The following CFAP99 variants were observed in gnomAD, a reference collection of about 807,000 sequenced individuals.
CFAP99 encodes the protein cilia- and flagella-associated protein 99.
Under a neutral mutation model 82.7 loss-of-function variants are expected in CFAP99, and 84 were observed. The ratio of observed to expected loss-of-function variants is 1.02; its 90% CI spans 0.85 to 1.22. The LOEUF is 1.22. Ranked by LOEUF, CFAP99 falls within the 50% of genes most tolerant of loss-of-function variation. The pLI is 0.00. For synonymous variants in CFAP99, 456 were observed against 429.5 expected (o/e 1.06, Z -0.76); for missense variants, 1,059 against 983.5 (o/e 1.08, Z -1.03).
chr4:2,462,962 C>A (rs1013831858), downstream of CFAP99: 2 of 1,138,312 alleles, frequency 1.8e-6, no homozygotes, highest in South Asian at 3.2e-5. This position sits in a 1 kb window ranked among gnomAD's most constrained non-coding sequence, Gnocchi z 4.1. Flanking sequence ...TTGCGGGCCA[C>A]CCCCTACACC....
rs770946550 is a variant in CFAP99 at position 2,451,061 on chromosome 4, C to T, written c.867+43C>T. The T allele has an allele frequency of 6.6e-6, 10 of 1,509,866 alleles. No individual in the cohort carries two copies. The African/African-American group carries it at 1.3e-4, about 20-fold the overall frequency. The allele number at this position is 1,509,866 out of a possible 1,614,324, so 93.5% of individuals were successfully genotyped here. A position where few individuals can be genotyped will look rare whatever the true frequency, so the allele number is the denominator to read the frequency against. On this transcript the variant is annotated intron_variant, in intron 9 of 14. Coordinates refer to ENST00000635017, the Ensembl canonical transcript of CFAP99. ...ATGGTCAGGCTGCTCTCCCTGGGCACCCACCCCTCCAGACCTTTTCTGCCC... is the reference window on the plus strand; with the variant it reads ...ATGGTCAGGCTGCTCTCCCTGGGCATCCACCCCTCCAGACCTTTTCTGCCC...
At chr4:2,449,242 C>T (rs1241279384) in intron 6 of CFAP99, among the ~76,000 whole-genome samples, 4 of 152,038 alleles carry the variant, frequency 2.6e-5, no homozygotes, top group African/African-American at 7.3e-5. Flanking sequence ...TGTCCCCTCC[C>T]GACAGCTTAC....
Position 2,462,504 on chromosome 4 carries a change from C to T in CFAP99, c.1723C>T (p.Gln575Ter). 2.7e-6 allele frequency: 4 copies of T among 1,478,160 alleles called. No individual in the cohort carries two copies. Among genetic ancestry groups the T allele is most frequent in the Non-Finnish European group, 3.6e-6 (4 of 1,123,216 alleles). 91.6% of individuals were successfully genotyped at this position (1,478,160 alleles called of 1,614,324 possible). Reference sequence around the variant, plus strand: ...GGCGCCCTCGCAGGACGAGCGCGTGCAGCAGCTGCGGCGCAGGATCTCGGA... The same window carrying T: ...GGCGCCCTCGCAGGACGAGCGCGTGTAGCAGCTGCGGCGCAGGATCTCGGA... The change falls in exon 15 of 15, where the codon CAG (glutamine) becomes TAG (stop). Residue 575 changes from glutamine (Q) to a stop codon, truncating the protein, a stop_gained. Transcript: ENST00000635017. LOFTEE classifies it low-confidence loss of function (END_TRUNC). The surrounding 1 kb of genome is among the most constrained non-coding windows in gnomAD (Gnocchi z 4.1).
At chr4:2,459,606 G>C (rs992692089) in intron 13 of CFAP99, among the ~76,000 whole-genome samples, 3 of 152,210 alleles carry the variant, frequency 2.0e-5, no homozygotes, top group Non-Finnish European at 4.4e-5. Context: ...AGGCTGGATG[G>C]AGGCTGCATG....
chr4:2,460,193 G>A, exon 14 of CFAP99: 1 of 1,536,092 alleles, frequency 6.5e-7, no homozygotes, highest in Non-Finnish European at 8.7e-7. Flanking sequence ...GAACATGGTG[G>A]AGCAGATCTC....
At chr4:2,435,881 G>A (rs1304545299) in intron 2 of CFAP99, among the ~76,000 whole-genome samples, 3 of 151,520 alleles carry the variant, frequency 2.0e-5, no homozygotes, top group African/African-American at 4.8e-5. Flanking sequence ...TCAGGAGGCC[G>A]AGGTGGGGAG....
chr4:2,451,080 T>G (rs1001959903), intron 9 of CFAP99, 62 bp downstream of exon 9: 18 of 1,504,692 alleles, frequency 1.2e-5, no homozygotes, highest in South Asian at 3.6e-5. Context: ...CCAGACCTTT[T>G]CTGCCCGTAG....
chr4:2,424,330 G>A (rs1401569361), intron 1 of CFAP99, among the ~76,000 whole-genome samples: 1 of 152,236 alleles, frequency 6.6e-6, no homozygotes, highest in Non-Finnish European at 1.5e-5. Flanking sequence ...GTGGGTGCCT[G>A]TAATCCCAGC....
chr4:2,457,613 G>A (rs1734467022), intron 11 of CFAP99, among the ~76,000 whole-genome samples: 1 of 152,218 alleles, frequency 6.6e-6, no homozygotes, highest in African/African-American at 2.4e-5. Context: ...AGGCCCTCAG[G>A]CTGATCTCTC....
chr4:2,459,946 G>T (rs1578484969), intron 13 of CFAP99, 91 bp from the exon 14 acceptor site: 2 of 1,163,516 alleles, frequency 1.7e-6, no homozygotes, highest in Admixed American at 2.0e-5. Context: ...GTGGGCAAGG[G>T]GTGGGCCTAT....
At chr4:2,427,081 C>T (rs912973822) in intron 2 of CFAP99, 10 of 168,556 alleles carry the variant, frequency 5.9e-5, no homozygotes, top group African/African-American at 2.4e-4. Flanking sequence ...CCCGGGGAGC[C>T]GAGGGCTGCA....
intron 11 of CFAP99, among the ~76,000 whole-genome samples, chr4:2,453,335 C>T (rs974924568): frequency 6.6e-6 from 1 of 152,190 alleles, no homozygotes; most frequent in Admixed American, 6.5e-5. Context: ...CTTTGCAGAG[C>T]TGGATTTTCA....
intron 12 of CFAP99, 50 bp from the exon 13 acceptor site, chr4:2,459,057 C>T (rs1452056457): frequency 6.8e-7 from 1 of 1,473,130 alleles, no homozygotes; most frequent in Admixed American, 2.3e-5. Context: ...CCTGTCCAGC[C>T]CCTGCCCTGC....
chr4:2,460,811 G>A (rs754550929), intron 14 of CFAP99, among the ~76,000 whole-genome samples: 2 of 152,134 alleles, frequency 1.3e-5, no homozygotes, highest in Admixed American at 6.5e-5. Context: ...GTGCAGTGGC[G>A]CAATCTCAGC....
At chr4:2,443,816 G>C (rs934870378) in intron 5 of CFAP99, among the ~76,000 whole-genome samples, 1 of 152,162 alleles carries the variant, frequency 6.6e-6, no homozygotes, top group South Asian at 2.1e-4. Context: ...GGCAAACTCC[G>C]GGGCAGGCCA....
Position 2,462,774 on chromosome 4 carries a change from G to T in CFAP99, c.1993G>T (p.Val665Phe). The T allele has an allele frequency of 7.9e-7, 1 of 1,264,034 alleles. No individual in the cohort carries two copies. The allele number at this position is 1,264,034 out of a possible 1,614,324, so 78.3% of individuals were successfully genotyped here. A position where few individuals can be genotyped will look rare whatever the true frequency, so the allele number is the denominator to read the frequency against. ...GGCGGGCGCGGGAGGCGGTGGGGGC[G>T]TCCCTGCCCGCGCCGACGCGTTCCC... Residue 665 changes from valine to phenylalanine, a missense_variant, in exon 15 of 15, where the codon GTC (valine) becomes TTC (phenylalanine). Physicochemically the swap from Val to Phe is conservative, Grantham distance 50. Coordinates refer to ENST00000635017, the Ensembl canonical transcript of CFAP99. The surrounding 1 kb of genome is among the most constrained non-coding windows in gnomAD (Gnocchi z 4.1).
At chr4:2,421,850 T>C (rs952738961) in intron 1 of CFAP99, among the ~76,000 whole-genome samples, 1 of 146,934 alleles carries the variant, frequency 6.8e-6, no homozygotes, top group Non-Finnish European at 1.5e-5. Context: ...AAGACCAGCC[T>C]GGGCAACATA....
Position 2,462,510 on chromosome 4 carries a change from C to G in CFAP99, c.1729C>G (p.Leu577Val), listed in dbSNP as rs1734645460. ...CTCGCAGGACGAGCGCGTGCAGCAG[C>G]TGCGGCGCAGGATCTCGGAGAGGGC... is the stretch of plus-strand genomic sequence containing the variant. Residue 577 changes from leucine to valine, a missense_variant, in exon 15 of 15, where the codon CTG (leucine) becomes GTG (valine). Transcript: ENST00000635017. This position sits in a 1 kb window ranked among gnomAD's most constrained non-coding sequence, Gnocchi z 4.1. 2.0e-6 allele frequency: 3 copies of G among 1,478,086 alleles called. No homozygotes were observed. Among genetic ancestry groups the G allele is most frequent in the African/African-American group, 1.5e-5 (1 of 68,192 alleles). The allele number at this position is 1,478,086 out of a possible 1,614,324, so 91.6% of individuals were successfully genotyped here. A position where few individuals can be genotyped will look rare whatever the true frequency, so the allele number is the denominator to read the frequency against.
At chr4:2,456,647 G>A (rs750582928) in intron 11 of CFAP99, among the ~76,000 whole-genome samples, 3 of 152,170 alleles carry the variant, frequency 2.0e-5, no homozygotes, top group Admixed American at 6.5e-5. Flanking sequence ...AGCCTCCTGA[G>A]TAGCTGGGAT....
Sources: allele counts gnomAD v4.1 joint callset (sites outside exome capture counted in the v4.1 genomes callset), GRCh38; gene constraint gnomAD v4.1.1; non-coding constraint Gnocchi (gnomAD v3.1); transcripts MANE v1.5; gene names NCBI Gene and HGNC (gene_info 2026-07-23, HGNC 2026-07-21).